Variants in ITSN1 observed in about 807,000 individuals in gnomAD.
ITSN1 encodes intersectin-1.
ITSN1 carries 58 observed loss-of-function variants against 239.8 expected under a neutral mutation model. The ratio of observed to expected loss-of-function variants is 0.24; its 90% confidence interval spans 0.20 to 0.30. The LOEUF is 0.30. Among genes scored for constraint, ITSN1 ranks in the 10% least tolerant of loss-of-function variants. The probability of loss-of-function intolerance (pLI) is 1.00; values close to 1 mark genes in which losing one functional copy is unlikely to be tolerated. For missense variants in ITSN1, 1,558 were observed against 2,103.3 expected, an observed-to-expected ratio of 0.74 and a Z score of 5.07; for synonymous variants, 780 against 770.8, an observed-to-expected ratio of 1.01 and a Z score of -0.20.
intron 7 of ITSN1, among the ~76,000 whole-genome samples, chr21:33,754,693 C>T (rs545002020): frequency 5.4e-4 from 82 of 152,218 alleles, no homozygotes; most frequent in Admixed American, 2.0e-3. Context: ...GGATTGTAGT[C>T]GAGAAAGTGA....
chr21:33,840,971 C>A (rs937264062), intron 29 of ITSN1, among the ~76,000 whole-genome samples: 47 of 152,150 alleles, frequency 3.1e-4, no homozygotes, highest in African/African-American at 1.1e-3. Flanking sequence ...CTCTGGCCGG[C>A]TGCCTCTCCA....
rs772113073 is a variant in ITSN1 at position 33,886,436 on chromosome 21, G to A, written c.4993G>A (p.Glu1665Lys). 3.1e-6 allele frequency: 5 copies of A among 1,605,452 alleles called. No individual in the cohort carries two copies. The highest frequency in any genetic ancestry group is 4.3e-6 in the Non-Finnish European group (5 of 1,175,950). The stretch of plus-strand genomic sequence containing the variant: ...GGAAGTCCTCTGCATCACTGTGTTC[G>A]AGAGGGACCAGTTCTCACCAGATGG... ...EQEVLCITVF[E>K]RDQFSPDDFL... Residue 1665 changes from glutamate (E) to lysine (K), a missense_variant, in exon 39 of 40, where the codon GAG becomes AAG. By Grantham distance (56) the Glu-to-Lys change is moderately conservative. Coordinates refer to ENST00000381318, the MANE Select transcript of ITSN1 (RefSeq NM_003024.3).
rs536906669 is a variant in ITSN1 at position 33,889,052 on chromosome 21, T to G, written c.*752T>G. On this transcript the variant is annotated 3_prime_UTR_variant, in exon 40 of 40. Transcript: ENST00000381318. ...TCACAGAAAGTCATTATCTAGAAAGTCACCCCTCTGCTGGATCAGATCACT... is the reference window on the plus strand; with the variant it reads ...TCACAGAAAGTCATTATCTAGAAAGGCACCCCTCTGCTGGATCAGATCACT... 4 of 152,160 alleles carry G rather than the reference T, an allele frequency of 2.6e-5. No individual in the cohort carries two copies. Among genetic ancestry groups the G allele is most frequent in the African/African-American group, 9.6e-5 (4 of 41,524 alleles). The allele number at this position is 152,160 out of a possible 1,614,324, so 9.4% of individuals were successfully genotyped here.
intron 34 of ITSN1, among the ~76,000 whole-genome samples, chr21:33,877,142 C>T (rs541349133): frequency 2.1e-5 from 3 of 145,898 alleles, no homozygotes; most frequent in African/African-American, 7.6e-5. Context: ...CAACCTCTGC[C>T]TCCCAGGTTC....
Position 33,704,947 on chromosome 21 carries a change from A to G in ITSN1, c.-32-13850A>G, listed in dbSNP as rs1180031299. On this transcript the variant is annotated intron_variant, in intron 1 of 39. Coordinates refer to ENST00000381318, the MANE Select transcript of ITSN1 (RefSeq NM_003024.3). ...CTAAAAAAAAAAAAAAAAAAAAAAA[A>G]TACAAACAAAAACATTAGCCAGGCG... Among the ~76,000 whole-genome samples the G allele has an allele frequency of 5.7e-5, 5 of 87,566 alleles. No individual in the cohort carries two copies. In the Admixed American group the frequency reaches 6.0e-4, roughly 11 times the overall value. 57.4% of individuals were successfully genotyped at this position (87,566 alleles called of 152,430 possible).
intron 29 of ITSN1, among the ~76,000 whole-genome samples, chr21:33,839,832 C>A (rs923684311): frequency 6.6e-6 from 1 of 152,192 alleles, no homozygotes; most frequent in Admixed American, 6.5e-5. Flanking sequence ...ATCCATTGGA[C>A]CCCATGATTC....
chr21:33,706,122 T>C (rs896876537), intron 1 of ITSN1, among the ~76,000 whole-genome samples: 1 of 152,122 alleles, frequency 6.6e-6, no homozygotes, highest in Non-Finnish European at 1.5e-5. Context: ...TGGGTTCAAG[T>C]GATTCTCCTG....
chr21:33,721,168 T>C lies in ITSN1; in HGVS notation c.29-10T>C, dbSNP rs1486456863. 7 of 1,600,478 alleles carry C rather than the reference T, an allele frequency of 4.4e-6. No individual in the cohort carries two copies. In the African/African-American group the frequency reaches 8.0e-5, roughly 18 times the overall value. On this transcript the variant is annotated splice_polypyrimidine_tract_variant and intron_variant, in intron 2 of 39. Coordinates refer to ENST00000381318, the MANE Select transcript of ITSN1 (RefSeq NM_003024.3). ...CTGAATAATTTGTTTGTCTTTTCTT[T>C]GGATTTTAGGCAGCCTGGATATCTG...
intron 38 of ITSN1, among the ~76,000 whole-genome samples, chr21:33,886,049 A>G (rs1205557904): frequency 6.6e-6 from 1 of 152,078 alleles, no homozygotes; most frequent in Non-Finnish European, 1.5e-5. Context: ...TTTACTAAAA[A>G]TATAAAAAAT....
chr21:33,853,389 C>T (rs146575002), intron 29 of ITSN1, among the ~76,000 whole-genome samples: 6 of 152,344 alleles, frequency 3.9e-5, no homozygotes, highest in Non-Finnish European at 8.8e-5. Context: ...CACGCAGCAG[C>T]CCTCCAGCTT....
At chr21:33,819,984 G>A (rs540858047) in intron 24 of ITSN1, among the ~76,000 whole-genome samples, 5 of 152,138 alleles carry the variant, frequency 3.3e-5, no homozygotes, top group East Asian at 3.9e-4. Context: ...GCGAGACTCC[G>A]TCTCAAAAAA....
At position 33,867,345 on chromosome 21, in the gene ITSN1, T is replaced by G; in HGVS notation, c.4173+14T>G. On this transcript the variant is annotated intron_variant, in intron 33 of 39. Coordinates refer to ENST00000381318, the MANE Select transcript of ITSN1 (RefSeq NM_003024.3). ...ATCATTAAAAATGTAAGTACCTGTCTTGCCTTTTCAAGCAGGGGACGGCTT... is the reference window on the plus strand; with the variant it reads ...ATCATTAAAAATGTAAGTACCTGTCGTGCCTTTTCAAGCAGGGGACGGCTT... 6.6e-7 allele frequency: 1 copy of G among 1,506,892 alleles called. No individual in the cohort carries two copies. Among genetic ancestry groups the G allele is most frequent in the Non-Finnish European group, 9.2e-7 (1 of 1,082,338 alleles). The allele number at this position is 1,506,892 out of a possible 1,614,324, so 93.3% of individuals were successfully genotyped here.
chr21:33,761,559 A>G (rs2068328999), intron 8 of ITSN1, among the ~76,000 whole-genome samples: 1 of 152,178 alleles, frequency 6.6e-6, no homozygotes, highest in African/African-American at 2.4e-5. Context: ...GCGGCAAAAG[A>G]TGTTAAACTT....
At chr21:33,863,315 C>G (rs747324072) in intron 31 of ITSN1, among the ~76,000 whole-genome samples, 3 of 152,238 alleles carry the variant, frequency 2.0e-5, no homozygotes, top group Non-Finnish European at 4.4e-5. Context: ...GATGCTCTTT[C>G]TTCTTTTCTT....
At chr21:33,851,983 T>C (rs925233733) in intron 29 of ITSN1, among the ~76,000 whole-genome samples, 3 of 152,064 alleles carry the variant, frequency 2.0e-5, no homozygotes, top group Middle Eastern at 3.4e-3. Flanking sequence ...TGGGTGTCTC[T>C]CACTATGTTG....
intron 1 of ITSN1, among the ~76,000 whole-genome samples, chr21:33,646,935 A>G (rs2088006991): frequency 1.3e-5 from 2 of 151,958 alleles, no homozygotes; most frequent in Non-Finnish European, 2.9e-5. Context: ...GCAGTGAGCT[A>G]TGATTGTGCC....
chr21:33,788,007 G>T (rs1251380983), intron 16 of ITSN1, among the ~76,000 whole-genome samples: 1 of 151,962 alleles, frequency 6.6e-6, no homozygotes, highest in Non-Finnish European at 1.5e-5. Context: ...TTCTTTTTAA[G>T]GTTGTAAAAA....
At chr21:33,666,508 T>A (rs2089942538) in intron 1 of ITSN1, among the ~76,000 whole-genome samples, 2 of 152,246 alleles carry the variant, frequency 1.3e-5, no homozygotes, top group Admixed American at 1.3e-4. Context: ...AAGTTTACCT[T>A]AGTTGTAATT....
intron 14 of ITSN1, among the ~76,000 whole-genome samples, chr21:33,779,642 A>G (rs1295065948): frequency 6.6e-6 from 1 of 152,154 alleles, no homozygotes; most frequent in African/African-American, 2.4e-5. Context: ...GGAACACTGA[A>G]ATCCTGATCA....
Sources: gnomAD v4.1 joint callset for allele counts (sites outside exome capture counted in the v4.1 genomes callset) on GRCh38, gnomAD v4.1.1 for gene constraint, MANE v1.5 for transcripts, NCBI Gene and HGNC (gene_info 2026-07-23, HGNC 2026-07-21) for gene names.